The following RBFA variants were observed in gnomAD, a reference collection of about 807,000 sequenced individuals.
RBFA encodes putative ribosome-binding factor A, mitochondrial.
RBFA carries 16 observed loss-of-function variants against 27.9 expected under a neutral mutation model. The observed-to-expected ratio is 0.57, with a 90% CI of 0.39 to 0.87. RBFA has a LOEUF of 0.87. RBFA is among the 40% of genes least tolerant of loss of function. The pLI, the probability that RBFA is intolerant of heterozygous loss-of-function variation, is 0.00. For missense variants in RBFA, 456 were observed against 432.1 expected, an observed-to-expected ratio of 1.06 and a Z score of -0.49; for synonymous variants, 181 against 181.0, an observed-to-expected ratio of 1.00 and a Z score of 0.00.
chr18:80,037,902 G>C (rs1171355890), intron 3 of RBFA, among the ~76,000 whole-genome samples: 1 of 146,618 alleles, frequency 6.8e-6, no homozygotes, highest in African/African-American at 2.5e-5. Context: ...AAAAAAAAAA[G>C]CCACTTTAGC....
Position 80,047,460 on chromosome 18 carries a change from G to A in RBFA, c.*1305G>A, listed in dbSNP as rs1893342625. 7.0e-6 allele frequency: 1 copy of A among 142,518 alleles called. No homozygotes were observed. Among genetic ancestry groups the A allele is most frequent in the Non-Finnish European group, 1.5e-5 (1 of 65,598 alleles). The allele number at this position is 142,518 out of a possible 1,614,324, so 8.8% of individuals were successfully genotyped here. Reference sequence around the variant, plus strand: ...GTAGGAGATGCTGCTGCAAGATGCTGACTCCCTTGTTTTTCTTTTCATTTG... The same window carrying A: ...GTAGGAGATGCTGCTGCAAGATGCTAACTCCCTTGTTTTTCTTTTCATTTG... On this transcript the variant is annotated 3_prime_UTR_variant, in exon 7 of 7. Transcript: ENST00000306735.
In RBFA at chr18:80,048,118, A is replaced by G. The variant is rs2052069098; in HGVS notation, c.*1963A>G. On this transcript the variant is annotated 3_prime_UTR_variant, in exon 7 of 7. Coordinates refer to ENST00000306735, the MANE Select transcript of RBFA (RefSeq NM_024805.3). ...AACGTTTTTGTATTTCCCTAGCAAG[A>G]TAACTTCAGGTTACAAGGCTCTGGT... 1 of 152,266 alleles carries G rather than the reference A, an allele frequency of 6.6e-6. No individual in the cohort carries two copies. 9.4% of individuals were successfully genotyped at this position (152,266 alleles called of 1,614,324 possible).
At chr18:80,036,945 A>G (rs184034952) in intron 2 of RBFA, among the ~76,000 whole-genome samples, 3 of 152,358 alleles carry the variant, frequency 2.0e-5, no homozygotes, top group Admixed American at 6.5e-5. Flanking sequence ...GGTAATATCC[A>G]TTCAGTTTTT....
At chr18:80,042,262 T>C in intron 5 of RBFA, 43 bp downstream of exon 5, 2 of 1,316,488 alleles carry the variant, frequency 1.5e-6, no homozygotes, top group South Asian at 1.4e-5. Context: ...AAAATTTTTA[T>C]TTTTTTAATT....
intron 4 of RBFA, chr18:80,041,719 T>G (rs2052017043): frequency 8.0e-5 from 1 of 12,572 alleles, no homozygotes; most frequent in South Asian, 0.038. Context: ...CACTCCTGCC[T>G]CTTTTTTTTT....
chr18:80,038,537 A>T lies in RBFA; in HGVS notation c.411A>T (p.Arg137=), dbSNP rs771574365. Residue 137 remains arginine (R), a synonymous_variant, in exon 4 of 7, where the codon CGA becomes CGT. Coordinates refer to ENST00000306735, the MANE Select transcript of RBFA (RefSeq NM_024805.3). ...VSLTPDFSAC[R]AYWKTTLSAE... is the part of the protein sequence containing the mutation. The stretch of plus-strand genomic sequence containing the variant: ...TGACTCCAGACTTCTCAGCCTGCCG[A>T]GCGTACTGGAAGACAACGCTCTCTG... The T allele has an allele frequency of 1.9e-6, 3 of 1,613,862 alleles. No individual in the cohort carries two copies. Among genetic ancestry groups the T allele is most frequent in the Non-Finnish European group, 8.5e-7 (1 of 1,179,814 alleles).
intron 2 of RBFA, chr18:80,037,126 C>A (rs1599765436): frequency 2.0e-6 from 1 of 491,046 alleles, no homozygotes; most frequent in Non-Finnish European, 3.6e-6. Context: ...ACTGGCAGTA[C>A]TTTTAATCTT....
intron 6 of RBFA, 42 bp from the exon 7 acceptor site, chr18:80,045,732 G>A (rs773025796): frequency 1.6e-5 from 24 of 1,498,998 alleles, no homozygotes; most frequent in Non-Finnish European, 2.1e-5. Flanking sequence ...TGGACTAGGG[G>A]CATGGTTTGT....
At chr18:80,038,453 C>A in intron 3 of RBFA, 52 bp from the exon 4 acceptor site, 1 of 953,770 alleles carries the variant, frequency 1.0e-6, no homozygotes. Context: ...TGTTGTTTGT[C>A]TTGAAAACCC....
intron 6 of RBFA, 95 bp from the exon 7 acceptor site, chr18:80,045,679 T>G: frequency 2.2e-6 from 3 of 1,366,652 alleles, no homozygotes; most frequent in Admixed American, 2.5e-5. Context: ...GGCGAGTAGA[T>G]GTAGGAAGTG....
chr18:80,038,815 T>C (rs2051998824), intron 4 of RBFA, among the ~76,000 whole-genome samples, 198 bp downstream of exon 4: 1 of 152,204 alleles, frequency 6.6e-6, no homozygotes, highest in Non-Finnish European at 1.5e-5. Context: ...TTTATTAAAG[T>C]GTGCCAGGAT....
Position 80,043,255 on chromosome 18 carries a change from G to GT in RBFA, c.577-956dup, listed in dbSNP as rs1454831802. Among the ~76,000 whole-genome samples, 3 of 152,200 alleles carry GT rather than the reference G, an allele frequency of 2.0e-5. No homozygotes were observed. In the East Asian group the frequency reaches 5.8e-4, roughly 29 times the overall value. On this transcript the variant is annotated intron_variant, in intron 5 of 6. Coordinates refer to ENST00000306735, the MANE Select transcript of RBFA (RefSeq NM_024805.3). ...CAGTATTATAGGTAACTGTTGTTCA[G>GT]TATAGGACCAGACAGCATTTGGATC...
In RBFA at chr18:80,046,585, C is replaced by T. The variant is rs557833635; in HGVS notation, c.*430C>T. ...AACCCCCTGGAGCTGGGCTCCGTCC[C>T]TGGGGCTGCTGGGCTGGCACGTGGC... On this transcript the variant is annotated 3_prime_UTR_variant, in exon 7 of 7. Transcript: ENST00000306735. Among the ~76,000 whole-genome samples, 1 of 152,310 alleles carries T rather than the reference C, an allele frequency of 6.6e-6. No individual in the cohort carries two copies. The highest frequency in any genetic ancestry group is 1.9e-4 in the East Asian group (1 of 5,172).
At chr18:80,045,752 G>A in intron 6 of RBFA, 22 bp from the exon 7 acceptor site, 1 of 1,510,210 alleles carries the variant, frequency 6.6e-7, no homozygotes, top group Non-Finnish European at 8.8e-7. Context: ...TGCTTGGTGT[G>A]AAGCCTCTTC....
At chr18:80,040,890 G>A (rs1182520594) in intron 4 of RBFA, among the ~76,000 whole-genome samples, 1 of 152,150 alleles carries the variant, frequency 6.6e-6, no homozygotes, top group Non-Finnish European at 1.5e-5. Context: ...ACAATTTTGG[G>A]AATTGCTGAG....
In RBFA at chr18:80,042,230, C is replaced by CA. The variant is rs34446954; in HGVS notation, c.576+18dup. 2.6e-6 allele frequency: 4 copies of CA among 1,566,112 alleles called. No homozygotes were observed. The highest frequency in any genetic ancestry group is 2.6e-6 in the Non-Finnish European group (3 of 1,158,282). Reference sequence around the variant, plus strand: ...GCAGCTCTAGCTGAGGTAAGGTTTTCAAAAAAACTTTTTAAAATTTAAAAA... The same window carrying CA: ...GCAGCTCTAGCTGAGGTAAGGTTTTCAAAAAAAACTTTTTAAAATTTAAAAA... On this transcript the variant is annotated intron_variant, in intron 5 of 6. Coordinates refer to ENST00000306735, the MANE Select transcript of RBFA (RefSeq NM_024805.3).
intron 6 of RBFA, among the ~76,000 whole-genome samples, chr18:80,045,250 A>G (rs1436780196): frequency 5.0e-5 from 7 of 138,720 alleles, no homozygotes; most frequent in Non-Finnish European, 7.6e-5. Flanking sequence ...TTTTTGAGGC[A>G]GAGTCTCACT....
rs1301652971 is a variant in RBFA, at chr18:80,048,740, GCAGGAGATCCAAC to G, written c.*2590_*2602del. On this transcript the variant is annotated 3_prime_UTR_variant, in exon 7 of 7. Transcript: ENST00000306735. Reference sequence around the variant, plus strand: ...GAGGCCCAGGGAGAGGTGAAGTGCTGCAGGAGATCCAACCAGGCGCCGGCTCAGTGCCTCCTAG... The same window carrying G: ...GAGGCCCAGGGAGAGGTGAAGTGCTGCAGGCGCCGGCTCAGTGCCTCCTAG... Among the ~76,000 whole-genome samples, 3 of 152,214 alleles carry G rather than the reference GCAGGAGATCCAAC, an allele frequency of 2.0e-5. No individual in the cohort carries two copies. Among genetic ancestry groups the G allele is most frequent in the Non-Finnish European group, 2.9e-5 (2 of 68,046 alleles).
intron 4 of RBFA, among the ~76,000 whole-genome samples, chr18:80,039,596 A>G (rs2052003470): frequency 6.6e-6 from 1 of 152,210 alleles, no homozygotes; most frequent in Non-Finnish European, 1.5e-5. Flanking sequence ...ATAAAATTTA[A>G]GCTTTCAAGT....
Sources: allele counts gnomAD v4.1 joint callset (sites outside exome capture counted in the v4.1 genomes callset), GRCh38; gene constraint gnomAD v4.1.1; transcripts MANE v1.5; gene names NCBI Gene and HGNC (gene_info 2026-07-23, HGNC 2026-07-21).